Variants in PLOD2 observed in about 807,000 individuals in gnomAD.
PLOD2 encodes lysine hydroxylase 2.
Under a neutral mutation model 101.0 loss-of-function variants are expected in PLOD2, and 65 were observed. The observed-to-expected ratio is 0.64, with a 90% CI of 0.53 to 0.79. The LOEUF is 0.79. Among genes scored for constraint, PLOD2 ranks in the 30% least tolerant of loss-of-function variants. The pLI, the probability that PLOD2 is intolerant of heterozygous loss-of-function variation, is 0.00. For missense variants in PLOD2, 909 were observed against 914.6 expected, an observed-to-expected ratio of 0.99 and a Z score of 0.08; for synonymous variants, 314 against 302.9, an observed-to-expected ratio of 1.04 and a Z score of -0.38.
At chr3:146,134,641 T>C (rs1220803599) in intron 1 of PLOD2, among the ~76,000 whole-genome samples, 1 of 152,236 alleles carries the variant, frequency 6.6e-6, no homozygotes, top group Non-Finnish European at 1.5e-5. Flanking sequence ...TTTCATATTT[T>C]ACACAGACAC....
intron 8 of PLOD2, among the ~76,000 whole-genome samples, chr3:146,089,870 T>C (rs1936918110): frequency 6.6e-6 from 1 of 151,522 alleles, no homozygotes; most frequent in African/African-American, 2.4e-5. Context: ...TTAATTTACA[T>C]AAAAGCCTTA....
Position 146,071,016 on chromosome 3 carries a change from T to C in PLOD2, c.2121+26A>G, listed in dbSNP as rs2305274. Reference sequence around the variant, plus strand: ...ATAATGATATATTTCTTTTGAAAAATCTAAAAACACAAGAGTCATAATTAC... The same window carrying C: ...ATAATGATATATTTCTTTTGAAAAACCTAAAAACACAAGAGTCATAATTAC... On this transcript the variant is annotated intron_variant, in intron 19 of 19. Transcript: ENST00000282903. The C allele has an allele frequency of 0.5, 787,018 of 1,585,182 alleles. 196,724 individuals are homozygous for C. Among genetic ancestry groups the C allele is most frequent in the Middle Eastern group, 0.55 (3,266 of 5,968 alleles).
intron 7 of PLOD2, among the ~76,000 whole-genome samples, chr3:146,095,129 A>G (rs1318136875): frequency 1.3e-5 from 2 of 152,206 alleles, no homozygotes; most frequent in African/African-American, 4.8e-5. Context: ...ATGAAAACCT[A>G]GGCAATATCA....
intron 11 of PLOD2, among the ~76,000 whole-genome samples, chr3:146,084,125 T>G (rs1327691921): frequency 6.6e-6 from 1 of 152,040 alleles, no homozygotes; most frequent in Non-Finnish European, 1.5e-5. Context: ...AAACTAGGTT[T>G]TAAGAGTTAC....
At chr3:146,134,274 G>A (rs1013947894) in intron 1 of PLOD2, among the ~76,000 whole-genome samples, 13 of 152,216 alleles carry the variant, frequency 8.5e-5, no homozygotes, top group East Asian at 1.9e-4. Flanking sequence ...AAAGCAGTAT[G>A]TTTCCTATCT....
chr3:146,104,501 A>G (rs1937501759), intron 5 of PLOD2, among the ~76,000 whole-genome samples, 159 bp from the exon 6 acceptor site: 1 of 152,210 alleles, frequency 6.6e-6, no homozygotes, highest in Non-Finnish European at 1.5e-5. Context: ...GTATTTAGCT[A>G]AAAGGTAGAA....
At chr3:146,128,880 C>CTTTTTTTTTT (rs3975816) in intron 1 of PLOD2, among the ~76,000 whole-genome samples, 33 of 73,228 alleles carry the variant, frequency 4.5e-4, no homozygotes, top group South Asian at 7.6e-4. Context: ...ATCTGAAATC[C>CTTTTTTTTTT]TTTTTTTTTT....
intron 10 of PLOD2, chr3:146,086,216 C>T (rs1383038559): frequency 6.6e-6 from 1 of 152,206 alleles, no homozygotes; most frequent in Non-Finnish European, 1.5e-5. Flanking sequence ...ATGTCTTCAC[C>T]TTTTTATCAC....
chr3:146,129,744 T>C (rs936578070), intron 1 of PLOD2, among the ~76,000 whole-genome samples: 10 of 152,282 alleles, frequency 6.6e-5, no homozygotes, highest in Admixed American at 5.2e-4. Context: ...CCAGATTGTT[T>C]TTAAAAATTA....
chr3:146,086,706 A>C, intron 10 of PLOD2, 81 bp downstream of exon 10: 1 of 1,055,884 alleles, frequency 9.5e-7, no homozygotes, highest in Non-Finnish European at 1.3e-6. Flanking sequence ...TTGGCATAAC[A>C]ATTTTAATTT....
At chr3:146,085,738 G>C (rs1342984830) in intron 10 of PLOD2, 2 of 163,800 alleles carry the variant, frequency 1.2e-5, no homozygotes, top group Non-Finnish European at 2.6e-5. Context: ...CTTCTTACCA[G>C]GGGCAGTGAC....
At chr3:146,153,242 C>G (rs1026371897) in intron 1 of PLOD2, among the ~76,000 whole-genome samples, 4 of 152,182 alleles carry the variant, frequency 2.6e-5, no homozygotes, top group Non-Finnish European at 5.9e-5. Context: ...AGTCTACCAG[C>G]AAACTGTTAG....
chr3:146,109,783 C>A (rs1191511186), intron 4 of PLOD2, among the ~76,000 whole-genome samples: 1 of 152,104 alleles, frequency 6.6e-6, no homozygotes, highest in Admixed American at 6.6e-5. Flanking sequence ...TTTAAGTATA[C>A]CCAGACACTC....
At position 146,121,187 on chromosome 3, in the gene PLOD2, T is replaced by C. The variant is rs939952014; in HGVS notation, c.263A>G (p.Gln88Arg). 1.2e-6 allele frequency: 2 copies of C among 1,607,896 alleles called. No individual in the cohort carries two copies. The highest frequency in any genetic ancestry group is 1.3e-5 in the African/African-American group (1 of 74,918). ...GACTTCTTTCATTAATCTCACTTTC[T>C]GGCCCCCTCCAATACTATTAATTCC... Reference protein sequence around the residue: ...GDGINSIGGGQKVRLMKEVME... With the variant: ...GDGINSIGGGRKVRLMKEVME... Residue 88 changes from glutamine to arginine, a missense_variant, in exon 3 of 20, where the codon CAG becomes CGG. By Grantham distance (43) the Gln-to-Arg change is conservative (BLOSUM62 1). Transcript: ENST00000282903.
Position 146,100,268 on chromosome 3 carries a change from T to C in PLOD2, c.777+2487A>G, listed in dbSNP as rs149780760. ...AGAATAATGCTAGGTCATTAGATTA[T>C]TGACTCTAACATTCAATTAAGATTT... On this transcript the variant is annotated intron_variant, in intron 7 of 19. Transcript: ENST00000282903. Among the ~76,000 whole-genome samples the C allele has an allele frequency of 3.9e-5, 6 of 152,326 alleles. 1 individual carries two copies. The East Asian group carries it at 5.8e-4, about 15-fold the overall frequency.
Position 146,085,181 on chromosome 3 carries a change from A to T in PLOD2, c.1220T>A (p.Ile407Asn), listed in dbSNP as rs770635934. 1.7e-5 allele frequency: 26 copies of T among 1,508,298 alleles called. No individual in the cohort carries two copies. The highest frequency in any genetic ancestry group is 2.7e-5 in the African/African-American group (2 of 72,824). The allele number at this position is 1,508,298 out of a possible 1,614,324, so 93.4% of individuals were successfully genotyped here. The change falls in exon 11 of 20, where the codon ATT becomes AAT. Residue 407 changes from isoleucine to asparagine, a missense_variant. Coordinates refer to ENST00000282903, the MANE Select transcript of PLOD2 (RefSeq NM_182943.3). ...LTNPRTLKIL[I>N]EQNRKIIAPL... ...TTTTAGAAAGTACCTGTTTTGTTCAATCAAAATTTTTAAAGTCCTTGGATT... is the reference window on the plus strand; with the variant it reads ...TTTTAGAAAGTACCTGTTTTGTTCATTCAAAATTTTTAAAGTCCTTGGATT...
intron 1 of PLOD2, among the ~76,000 whole-genome samples, chr3:146,142,984 T>A (rs1183154795): frequency 6.6e-6 from 1 of 152,116 alleles, no homozygotes; most frequent in Non-Finnish European, 1.5e-5. Flanking sequence ...TTCTGTAAAC[T>A]GAAAAATCTG....
At position 146,160,933 on chromosome 3, in the gene PLOD2, G is replaced by A. The variant is rs749485483; in HGVS notation, c.57C>T (p.Pro19=). The change falls in exon 1 of 20, where the codon CCC becomes CCT. Residue 19 remains proline (P), a synonymous_variant. Coordinates refer to ENST00000282903, the MANE Select transcript of PLOD2 (RefSeq NM_182943.3). ...QLLLLALVLH[P]WNPCLGADSE... ...AGTCCGCACCCAGACAGGGATTCCA[G>A]GGGTGGAGGACGAGCGCCAGGAGCA... The A allele has an allele frequency of 1.2e-6, 2 of 1,600,976 alleles. No individual in the cohort carries two copies. The highest frequency in any genetic ancestry group is 1.1e-5 in the South Asian group (1 of 88,388).
intron 7 of PLOD2, among the ~76,000 whole-genome samples, chr3:146,098,990 G>T (rs1222632772): frequency 6.6e-6 from 1 of 151,926 alleles, no homozygotes; most frequent in Non-Finnish European, 1.5e-5. Flanking sequence ...AAGTATTAGT[G>T]TTAAATGTTT....
Sources: allele counts gnomAD v4.1 joint callset (sites outside exome capture counted in the v4.1 genomes callset), GRCh38; gene constraint gnomAD v4.1.1; transcripts MANE v1.5; gene names NCBI Gene and HGNC (gene_info 2026-07-23, HGNC 2026-07-21).